The following ABCB1 variants were observed in gnomAD, a reference collection of about 807,000 sequenced individuals.
The protein encoded by ABCB1 is ATP-dependent translocase ABCB1.
A neutral mutation model predicts 142.0 loss-of-function variants in ABCB1; 69 were observed. The ratio of observed to expected loss-of-function variants is 0.49; its 90% CI spans 0.40 to 0.59. The LOEUF (loss-of-function observed/expected upper bound fraction) is 0.59, where lower values mean the gene tolerates loss of function less well. Among genes scored for constraint, ABCB1 ranks in the 20% least tolerant of loss-of-function variants. The pLI is 0.00. For synonymous variants in ABCB1, 532 were observed against 539.2 expected (o/e 0.99, Z 0.18); for missense variants, 1,326 against 1,554.7 (o/e 0.85, Z 2.47).
At chr7:87,568,413 CA>C (rs576532820) in intron 5 of ABCB1, among the ~76,000 whole-genome samples, 118 of 139,314 alleles carry the variant, frequency 8.5e-4, no homozygotes, top group Admixed American at 2.7e-3. Context: ...AACTCCATCT[CA>C]AAAAAAAAAA....
At chr7:87,631,032 T>C (rs142703921) in intron 1 of ABCB1, among the ~76,000 whole-genome samples, 1 of 152,356 alleles carries the variant, frequency 6.6e-6, no homozygotes, top group Non-Finnish European at 1.5e-5. Context: ...CTAACTTTAG[T>C]TACAGTTTAC....
At chr7:87,651,885 G>A (rs576121365) in intron 1 of ABCB1, among the ~76,000 whole-genome samples, 5 of 152,176 alleles carry the variant, frequency 3.3e-5, no homozygotes, top group Admixed American at 1.3e-4. Context: ...AATTTAAAAC[G>A]GGGTTTGTAA....
chr7:87,571,237 C>T (rs1818039613), intron 4 of ABCB1, among the ~76,000 whole-genome samples: 1 of 152,136 alleles, frequency 6.6e-6, no homozygotes, highest in Admixed American at 6.5e-5. Flanking sequence ...ATGGGTAAGC[C>T]TGTTTTTGAC....
At chr7:87,663,763 C>G (rs1490868096) in intron 1 of ABCB1, among the ~76,000 whole-genome samples, 1 of 152,050 alleles carries the variant, frequency 6.6e-6, no homozygotes, top group Non-Finnish European at 1.5e-5. Context: ...ATTTATTTCT[C>G]AGTTCTGGAG....
rs35797972 is a variant in ABCB1 at position 87,703,914 on chromosome 7, G to GTTTTTTTTTTTTTTTTTT, written c.-331+9229_-331+9246dup. Among the ~76,000 whole-genome samples, 78 of 42,976 alleles carry GTTTTTTTTTTTTTTTTTT rather than the reference G, an allele frequency of 1.8e-3. 1 individual carries two copies. Among genetic ancestry groups the GTTTTTTTTTTTTTTTTTT allele is most frequent in the Non-Finnish European group, 2.2e-3 (53 of 23,836 alleles). 28.2% of individuals were successfully genotyped at this position (42,976 alleles called of 152,430 possible). A position where few individuals can be genotyped will look rare whatever the true frequency, so the allele number is the denominator to read the frequency against. On this transcript the variant is annotated intron_variant, in intron 1 of 28. Transcript: ENST00000265724. ...TTTTTTTTTTTTTTTTTTTTTTTTG[G>GTTTTTTTTTTTTTTTTTT]TTTTTTTTTTTTTTTTTTTTTTTTT...
intron 1 of ABCB1, chr7:87,627,788 C>G (rs1317839690): frequency 6.6e-6 from 1 of 152,356 alleles, no homozygotes; most frequent in Non-Finnish European, 1.5e-5. Flanking sequence ...CGAAAAGACT[C>G]TACACTGGCA....
At chr7:87,617,959 T>G (rs1342542228) in intron 1 of ABCB1, among the ~76,000 whole-genome samples, 1 of 152,172 alleles carries the variant, frequency 6.6e-6, no homozygotes, top group East Asian at 1.9e-4. Context: ...TCAGGCACAG[T>G]GTATTTCCTC....
At chr7:87,523,649 T>C (rs180885604) in intron 21 of ABCB1, among the ~76,000 whole-genome samples, 1 of 152,330 alleles carries the variant, frequency 6.6e-6, no homozygotes, top group Admixed American at 6.5e-5. Flanking sequence ...CATTCAATTA[T>C]GTTGTAATCA....
intron 1 of ABCB1, among the ~76,000 whole-genome samples, chr7:87,612,904 A>G (rs1819902496): frequency 6.6e-6 from 1 of 150,418 alleles, no homozygotes; most frequent in East Asian, 1.9e-4. Flanking sequence ...CATGGGATGT[A>G]TTTCCATTTG....
intron 1 of ABCB1, among the ~76,000 whole-genome samples, chr7:87,703,061 A>G (rs541036076): frequency 6.6e-6 from 1 of 152,334 alleles, no homozygotes; most frequent in East Asian, 1.9e-4. Context: ...TTTAGAAATT[A>G]CAGAATGAAA....
intron 4 of ABCB1, among the ~76,000 whole-genome samples, chr7:87,570,791 A>G (rs889289942): frequency 2.0e-5 from 3 of 152,156 alleles, no homozygotes; most frequent in African/African-American, 7.2e-5. Context: ...ACTCAGACAC[A>G]TATACACACA....
chr7:87,609,619 CAT>C (rs1426341420), intron 1 of ABCB1, among the ~76,000 whole-genome samples: 1 of 152,174 alleles, frequency 6.6e-6, no homozygotes, highest in Non-Finnish European at 1.5e-5. Flanking sequence ...CAGGCGCAAT[CAT>C]ATTCTCTAGC....
chr7:87,689,670 T>C (rs1827832294), intron 1 of ABCB1, among the ~76,000 whole-genome samples: 1 of 152,188 alleles, frequency 6.6e-6, no homozygotes, highest in Non-Finnish European at 1.5e-5. Context: ...GTGGACTTTG[T>C]TCATTTTAGG....
At chr7:87,691,254 C>T (rs1448195967) in intron 1 of ABCB1, among the ~76,000 whole-genome samples, 1 of 152,080 alleles carries the variant, frequency 6.6e-6, no homozygotes, top group Non-Finnish European at 1.5e-5. Flanking sequence ...TTGAAAAGTA[C>T]ATACTTCTTG....
chr7:87,618,323 C>T (rs1252735271), intron 1 of ABCB1, among the ~76,000 whole-genome samples: 3 of 152,106 alleles, frequency 2.0e-5, no homozygotes, highest in African/African-American at 7.2e-5. Flanking sequence ...TTTTGCTCAC[C>T]ATTGTACACC....
chr7:87,600,171 C>A lies in ABCB1; in HGVS notation c.14G>T (p.Gly5Val), dbSNP rs747238624. The change falls in exon 2 of 28, where the codon GGG becomes GTG. Residue 5 changes from glycine to valine, a missense_variant. Gly to Val is a moderately radical substitution (Grantham distance 109, BLOSUM62 -3). Coordinates refer to ENST00000622132, the MANE Select transcript of ABCB1 (RefSeq NM_001348946.2). Reference sequence around the variant, plus strand: ...CTTCTTTGCTCCTCCATTGCGGTCCCCTTCAAGATCCATTCCGACCTGAAG... The same window carrying A: ...CTTCTTTGCTCCTCCATTGCGGTCCACTTCAAGATCCATTCCGACCTGAAG... The part of the protein sequence containing the change: MDLE[G>V]DRNGGAKKKN... 14 of 1,614,000 alleles carry A rather than the reference C, an allele frequency of 8.7e-6. No individual in the cohort carries two copies. In the Admixed American group the frequency reaches 2.2e-4, roughly 25 times the overall value.
chr7:87,619,866 G>A (rs748428865), intron 1 of ABCB1, among the ~76,000 whole-genome samples: 9 of 151,980 alleles, frequency 5.9e-5, no homozygotes, highest in Non-Finnish European at 4.4e-5. Context: ...TTCAAGGGGC[G>A]ATCATTAATA....
chr7:87,507,915 T>C (rs1211329548), intron 26 of ABCB1, among the ~76,000 whole-genome samples: 1 of 152,144 alleles, frequency 6.6e-6, no homozygotes, highest in East Asian at 1.9e-4. Flanking sequence ...TTCTCACTTA[T>C]AAGTGGCAGC....
At chr7:87,511,143 T>C (rs982772798) in intron 25 of ABCB1, among the ~76,000 whole-genome samples, 5 of 152,180 alleles carry the variant, frequency 3.3e-5, no homozygotes, top group African/African-American at 1.2e-4. Flanking sequence ...TACCCTAGAA[T>C]TGCAAACTAT....
Sources: gnomAD v4.1 joint callset for allele counts (sites outside exome capture counted in the v4.1 genomes callset) on GRCh38, gnomAD v4.1.1 for gene constraint, MANE v1.5 for transcripts, NCBI Gene and HGNC (gene_info 2026-07-23, HGNC 2026-07-21) for gene names.